The following ANO9 variants were observed in gnomAD, a reference collection of about 807,000 sequenced individuals.
ANO9 encodes the protein anoctamin 9.
A neutral mutation model predicts 100.5 loss-of-function variants in ANO9; 80 were observed. The observed-to-expected ratio is 0.80, with a 90% CI of 0.66 to 0.96. The LOEUF is 0.96. ANO9 is among the 40% of genes least tolerant of loss of function. ANO9 has a pLI of 0.00. For missense variants in ANO9, 1,064 were observed against 1,072.7 expected, an observed-to-expected ratio of 0.99 and a Z score of 0.11; for synonymous variants, 473 against 435.6, an observed-to-expected ratio of 1.09 and a Z score of -1.07.
In ANO9 at chr11:420,426, C is replaced by A. The variant is rs187568569; in HGVS notation, c.1786+37G>T. On this transcript the variant is annotated intron_variant, in intron 19 of 22. Transcript: ENST00000332826. ...CGGGAAGCCCACAGGCCTGAGGCCG[C>A]CCAGTTCCCGCCCATCCTGCGCCCG... 843 of 1,593,308 alleles carry A rather than the reference C, an allele frequency of 5.3e-4. 4 individuals are homozygous for A. The Middle Eastern group carries it at 0.017, about 32-fold the overall frequency.
intron 18 of ANO9, 47 bp from the exon 19 acceptor site, chr11:420,662 C>T (rs772669147): frequency 5.6e-6 from 9 of 1,600,420 alleles, no homozygotes; most frequent in Non-Finnish European, 7.7e-6. Flanking sequence ...CTCATGTCCG[C>T]GGACCCCCGC....
At position 434,028 on chromosome 11, in the gene ANO9, C is replaced by G; in HGVS notation, c.77G>C (p.Cys26Ser). The stretch of plus-strand genomic sequence containing the variant: ...GAGGGGCCCCCGGACACCCACCTCA[C>G]AGGTGCTGATCTCCATCAGCGGGAA... ...DSFPLMEIST[C>S]ETEASEQWDY... The change falls in exon 2 of 23, where the codon TGT (cysteine) becomes TCT (serine). Residue 26 changes from cysteine (C) to serine (S), a missense_variant. Transcript: ENST00000332826. 1.3e-6 allele frequency: 2 copies of G among 1,550,882 alleles called. No individual in the cohort carries two copies. Among genetic ancestry groups the G allele is most frequent in the Non-Finnish European group, 1.7e-6 (2 of 1,147,266 alleles).
In ANO9 at chr11:418,511, C is replaced by T; in HGVS notation, c.2209G>A (p.Glu737Lys). Residue 737 changes from glutamate to lysine, a missense_variant, in exon 23 of 23, where the codon GAG becomes AAG. Coordinates refer to ENST00000332826, the MANE Select transcript of ANO9 (RefSeq NM_001012302.3). ...TCACGCAGCCTCTGGTACTTCACCTCCAGAACCTTGTTCTTCACCGACTGA... is the reference window on the plus strand; with the variant it reads ...TCACGCAGCCTCTGGTACTTCACCTTCAGAACCTTGTTCTTCACCGACTGA... ...IPQSVKNKVLEVKYQRLREKM... is the reference protein window; with the variant it reads ...IPQSVKNKVLKVKYQRLREKM... The T allele has an allele frequency of 6.2e-7, 1 of 1,613,228 alleles. No individual in the cohort carries two copies. The highest frequency in any genetic ancestry group is 1.1e-5 in the South Asian group (1 of 91,088).
intron 15 of ANO9, among the ~76,000 whole-genome samples, chr11:426,666 T>C (rs1417065279): frequency 6.6e-6 from 1 of 152,114 alleles, no homozygotes; most frequent in Non-Finnish European, 1.5e-5. Context: ...AGGCCTGAAG[T>C]CCACTCAAGA....
intron 10 of ANO9, 45 bp from the exon 11 acceptor site, chr11:429,697 G>A (rs1372021960): frequency 1.9e-6 from 3 of 1,612,308 alleles, no homozygotes; most frequent in Non-Finnish European, 2.5e-6. Flanking sequence ...ACGCCAGGTG[G>A]ACCTCGGAGC....
chr11:429,490 A>AT, intron 11 of ANO9, 80 bp downstream of exon 11: 2 of 1,568,680 alleles, frequency 1.3e-6, no homozygotes, highest in Non-Finnish European at 8.6e-7. Context: ...CACGGCAGGC[A>AT]TATGTGGGCC....
chr11:423,796 G>T (rs540835303), intron 15 of ANO9, among the ~76,000 whole-genome samples: 2 of 151,854 alleles, frequency 1.3e-5, no homozygotes, highest in African/African-American at 4.8e-5. Flanking sequence ...CTCCCAAAAT[G>T]CTGGGATTAC....
chr11:420,694 C>T (rs754141516), intron 18 of ANO9, 24 bp downstream of exon 18: 2 of 1,603,838 alleles, frequency 1.2e-6, no homozygotes, highest in Non-Finnish European at 8.5e-7. Flanking sequence ...CTCCGCGAAC[C>T]CCCGCCCCGC....
At chr11:433,480 C>T in intron 3 of ANO9, 21 bp from the exon 4 acceptor site, 1 of 1,612,790 alleles carries the variant, frequency 6.2e-7, no homozygotes, top group Non-Finnish European at 8.5e-7. Flanking sequence ...ATGGGATCCT[C>T]TATCCCACCT....
chr11:418,685 G>A (rs200963861), intron 22 of ANO9, 35 bp downstream of exon 22: 116 of 1,612,126 alleles, frequency 7.2e-5, no homozygotes, highest in Non-Finnish European at 1.6e-5. Context: ...GCACTGCCCA[G>A]ACCCACTCCG....
rs1848056101 is a variant in ANO9 at position 419,675 on chromosome 11, C to T, written c.1841G>A (p.Gly614Glu). The T allele has an allele frequency of 1.5e-5, 24 of 1,611,838 alleles. No homozygotes were observed. The highest frequency in any genetic ancestry group is 1.9e-5 in the Non-Finnish European group (23 of 1,179,684). Reference sequence around the variant, plus strand: ...CTCAGATGTGAAGGCAATGACCATCCCATTGGCAATGACCGCCAGCACACC... The same window carrying T: ...CTCAGATGTGAAGGCAATGACCATCTCATTGGCAATGACCGCCAGCACACC... ...TIGVLAVIANGMVIAFTSEFI... is the reference protein window; with the variant it reads ...TIGVLAVIANEMVIAFTSEFI... Residue 614 changes from glycine (G) to glutamate (E), a missense_variant, in exon 20 of 23, where the codon GGG becomes GAG. By Grantham distance (98) the Gly-to-Glu change is moderately conservative (BLOSUM62 -2). Transcript: ENST00000332826.
Position 429,568 on chromosome 11 carries a change from A to C in ANO9, c.915+2T>G, listed in dbSNP as rs1266448681. On this transcript the variant is annotated splice_donor_variant, in intron 11 of 22. Coordinates refer to ENST00000332826, the MANE Select transcript of ANO9 (RefSeq NM_001012302.3). LOFTEE classifies it high-confidence loss of function. ...TCAGCTGCGCTGCCAGCTCCACCTC[A>C]CCTGTTCCTCGTCCCACACGTACAG... 6 of 1,612,106 alleles carry C rather than the reference A, an allele frequency of 3.7e-6. No homozygotes were observed. The highest frequency in any genetic ancestry group is 5.1e-6 in the Non-Finnish European group (6 of 1,179,744).
chr11:431,685 C>G lies in ANO9; in HGVS notation c.539+9G>C. On this transcript the variant is annotated intron_variant, in intron 7 of 22. Coordinates refer to ENST00000332826, the MANE Select transcript of ANO9 (RefSeq NM_001012302.3). Reference sequence around the variant, plus strand: ...GCGGGGTTCCTGTGCTCTCTTTGGGCAGCGTTACCTGATTTCATCAACTGG... The same window carrying G: ...GCGGGGTTCCTGTGCTCTCTTTGGGGAGCGTTACCTGATTTCATCAACTGG... 1 of 1,611,892 alleles carries G rather than the reference C, an allele frequency of 6.2e-7. No individual in the cohort carries two copies. The highest frequency in any genetic ancestry group is 2.2e-5 in the East Asian group (1 of 44,872).
chr11:433,810 C>A lies in ANO9; in HGVS notation c.204+5G>T. 6.4e-7 allele frequency: 1 copy of A among 1,557,958 alleles called. No individual in the cohort carries two copies. Among genetic ancestry groups the A allele is most frequent in the Non-Finnish European group, 8.7e-7 (1 of 1,151,262 alleles). ...GGCCCTGCCCCTCGCTGGGCACCCG[C>A]CCACCTTAATGTGGAAGCCCTTTCT... On this transcript the variant is annotated splice_donor_5th_base_variant and intron_variant, in intron 3 of 22. Transcript: ENST00000332826.
At position 432,261 on chromosome 11, in the gene ANO9, C is replaced by T; in HGVS notation, c.351-207G>A. 2 of 582,118 alleles carry T rather than the reference C, an allele frequency of 3.4e-6. No homozygotes were observed. Among genetic ancestry groups the T allele is most frequent in the South Asian group, 2.1e-5 (1 of 47,888 alleles). The allele number at this position is 582,118 out of a possible 1,614,324, so 36.1% of individuals were successfully genotyped here. A position where few individuals can be genotyped will look rare whatever the true frequency, so the allele number is the denominator to read the frequency against. The stretch of plus-strand genomic sequence containing the variant: ...TAAAGTGCTCCCAGGGCCTGGCCTG[C>T]CCCACGGCGTCCAGGATGAGGCTGG... On this transcript the variant is annotated intron_variant, in intron 4 of 22. Coordinates refer to ENST00000332826, the MANE Select transcript of ANO9 (RefSeq NM_001012302.3). The surrounding 1 kb of genome is among the most constrained non-coding windows in gnomAD (Gnocchi z 4.8).
rs1258374210 is a variant in ANO9 at position 432,076 on chromosome 11, G to A, written c.351-22C>T. ...GAGACTCAAGAGCCAGAGCAGGGTGGCCCCGTGTGACCACAGTGGACCCTG... is the reference window on the plus strand; with the variant it reads ...GAGACTCAAGAGCCAGAGCAGGGTGACCCCGTGTGACCACAGTGGACCCTG... On this transcript the variant is annotated intron_variant, in intron 4 of 22. Coordinates refer to ENST00000332826, the MANE Select transcript of ANO9 (RefSeq NM_001012302.3). This position sits in a 1 kb window ranked among gnomAD's most constrained non-coding sequence, Gnocchi z 4.8. The A allele has an allele frequency of 1.9e-6, 3 of 1,612,182 alleles. No homozygotes were observed. Among genetic ancestry groups the A allele is most frequent in the Non-Finnish European group, 2.5e-6 (3 of 1,179,638 alleles).
At chr11:420,220 C>G (rs1169811718) in intron 19 of ANO9, 73 of 1,414,614 alleles carry the variant, frequency 5.2e-5, no homozygotes, top group South Asian at 1.5e-4. Flanking sequence ...TTGGGGGCGT[C>G]AAGCCCCTCT....
chr11:421,149 G>A lies in ANO9; in HGVS notation c.1384C>T (p.Leu462=), dbSNP rs751011362. The A allele has an allele frequency of 3.2e-6, 5 of 1,568,044 alleles. No individual in the cohort carries two copies. Among genetic ancestry groups the A allele is most frequent in the Non-Finnish European group, 4.3e-6 (5 of 1,152,170 alleles). The part of the protein sequence containing the change: ...KSTRLAGLWK[L]EECHASGCMM... The stretch of plus-strand genomic sequence containing the variant: ...GCCTGGGGGTGACTGACCTCTTCCA[G>A]CTTCCACAAGCCCGCCAGGCGCGTG... The change falls in exon 16 of 23, where the codon CTG becomes TTG. Residue 462 remains leucine (L), a synonymous_variant. Transcript: ENST00000332826. The surrounding 1 kb of genome is among the most constrained non-coding windows in gnomAD (Gnocchi z 6.8).
chr11:421,861 A>G lies in ANO9; in HGVS notation c.1335-663T>C, dbSNP rs754002638. 1.4e-4 allele frequency among the ~76,000 whole-genome samples: 22 copies of G among 152,386 alleles called. No homozygotes were observed. The highest frequency in any genetic ancestry group is 1.9e-4 in the East Asian group (1 of 5,194). On this transcript the variant is annotated intron_variant, in intron 15 of 22. Coordinates refer to ENST00000332826, the MANE Select transcript of ANO9 (RefSeq NM_001012302.3). The surrounding 1 kb of genome is among the most constrained non-coding windows in gnomAD (Gnocchi z 6.8). ...GTGGTGAAATCCCAAAAGCATTCCT[A>G]TTGTAGCTCACGACAACTGGTATTT...
Sources: allele counts gnomAD v4.1 joint callset (sites outside exome capture counted in the v4.1 genomes callset), GRCh38; gene constraint gnomAD v4.1.1; non-coding constraint Gnocchi (gnomAD v3.1); transcripts MANE v1.5; gene names NCBI Gene and HGNC (gene_info 2026-07-23, HGNC 2026-07-21).